SAMD8: variants seen among roughly 807,000 people sequenced by gnomAD.
The protein encoded by SAMD8 is sphingomyelin synthase-related protein 1.
SAMD8 carries 20 observed loss-of-function variants against 42.0 expected under a neutral mutation model. That is an observed-to-expected ratio of 0.48 (90% CI 0.34 to 0.69). SAMD8 has a LOEUF of 0.69. Among genes scored for constraint, SAMD8 ranks in the 30% least tolerant of loss-of-function variants. SAMD8 has a pLI of 0.01. For missense variants in SAMD8, 328 were observed against 511.6 expected, an observed-to-expected ratio of 0.64 and a Z score of 3.46; for synonymous variants, 162 against 173.0, an observed-to-expected ratio of 0.94 and a Z score of 0.50.
At chr10:75,144,160 G>A (rs111414460) in intron 1 of SAMD8, among the ~76,000 whole-genome samples, 2,042 of 150,568 alleles carry the variant, frequency 0.014, 48 homozygotes, top group African/African-American at 0.047. Flanking sequence ...GTGGAGATGG[G>A]GTTTTCACAG....
At chr10:75,168,463 G>A in intron 3 of SAMD8, 78 bp from the exon 4 acceptor site, 1 of 1,577,368 alleles carries the variant, frequency 6.3e-7, no homozygotes, top group Non-Finnish European at 8.6e-7. Context: ...GCTCTTCCTT[G>A]AAGTAAATAT....
intron 2 of SAMD8, among the ~76,000 whole-genome samples, chr10:75,162,369 G>A (rs552338725): frequency 6.6e-6 from 1 of 150,824 alleles, no homozygotes; most frequent in East Asian, 2.0e-4. Context: ...AAAAAAGTGA[G>A]GCTGGGCACG....
intron 1 of SAMD8, among the ~76,000 whole-genome samples, chr10:75,123,162 T>TCACCCCACCC (rs60218062): frequency 8.0e-5 from 8 of 99,684 alleles, no homozygotes; most frequent in South Asian, 8.7e-4. Flanking sequence ...CCACCCCACC[T>TCACCCCACCC]CACCCCACCC....
At chr10:75,171,886 C>T (rs1840876148) in intron 4 of SAMD8, among the ~76,000 whole-genome samples, 1 of 152,020 alleles carries the variant, frequency 6.6e-6, no homozygotes, top group Non-Finnish European at 1.5e-5. Flanking sequence ...ATTAGCTGGG[C>T]ATGGTGGCGG....
rs1278362096 is a variant in SAMD8, at chr10:75,150,677, A to G, written c.149A>G (p.Tyr50Cys). 2 of 1,614,194 alleles carry G rather than the reference A, an allele frequency of 1.2e-6. No individual in the cohort carries two copies. The highest frequency in any genetic ancestry group is 2.2e-5 in the East Asian group (1 of 44,882). ...ATCACATTGCTAACATTGACTGAAT[A>G]TGATCTCCGGTCTCCTCCTCTGGAA... Reference protein sequence around the residue: ...DGITLLTLTEYDLRSPPLEIK... With the variant: ...DGITLLTLTECDLRSPPLEIK... Residue 50 changes from tyrosine (Y) to cysteine (C), a missense_variant, in exon 2 of 6, where the codon TAT (tyrosine) becomes TGT (cysteine). Physicochemically the swap from Tyr to Cys is radical, Grantham distance 194 (BLOSUM62 -2). Around this residue, in one of 2 missense-constraint regions of SAMD8, gnomAD observed 150 missense variants for 186.0 expected, o/e 0.81. Transcript: ENST00000542569.
Position 75,169,169 on chromosome 10 carries a change from CAAA to C in SAMD8, c.792+533_792+535del, listed in dbSNP as rs1023080854. Reference sequence around the variant, plus strand: ...TGGGCAACAGAGCGAGACTCCATCTCAAAAAAAAAAAAAAAAAAAAAAAAGTTT... The same window carrying C: ...TGGGCAACAGAGCGAGACTCCATCTCAAAAAAAAAAAAAAAAAAAAAGTTT... On this transcript the variant is annotated intron_variant, in intron 4 of 5. Transcript: ENST00000542569. Among the ~76,000 whole-genome samples, 198 of 30,216 alleles carry C rather than the reference CAAA, an allele frequency of 6.6e-3. 1 individual carries two copies. Among genetic ancestry groups the C allele is most frequent in the African/African-American group, 0.024 (175 of 7,280 alleles). The allele number at this position is 30,216 out of a possible 152,430, so 19.8% of individuals were successfully genotyped here.
chr10:75,153,226 C>T (rs1406939919), intron 2 of SAMD8, among the ~76,000 whole-genome samples: 3 of 152,042 alleles, frequency 2.0e-5, no homozygotes, highest in Non-Finnish European at 2.9e-5. Flanking sequence ...AAATGATCCG[C>T]CCACCTCAGC....
intron 2 of SAMD8, among the ~76,000 whole-genome samples, chr10:75,152,244 C>T (rs1379494305): frequency 1.3e-5 from 2 of 150,932 alleles, no homozygotes; most frequent in Non-Finnish European, 1.5e-5. Flanking sequence ...AGAATAGGGC[C>T]GGGCGCGGTG....
intron 1 of SAMD8, among the ~76,000 whole-genome samples, chr10:75,146,256 G>GTCCA (rs1840129164): frequency 7.2e-6 from 1 of 137,942 alleles, no homozygotes; most frequent in Non-Finnish European, 1.6e-5. Context: ...TTTTCCTGAT[G>GTCCA]TCCAGTGTCT....
At chr10:75,100,979 G>T (rs997420055) in intron 1 of SAMD8, among the ~76,000 whole-genome samples, 1 of 152,248 alleles carries the variant, frequency 6.6e-6, no homozygotes, top group Non-Finnish European at 1.5e-5. Context: ...TAGTCCCCTG[G>T]ACTTTCTTCC....
intron 2 of SAMD8, among the ~76,000 whole-genome samples, chr10:75,154,206 CT>C (rs760695655): frequency 2.6e-5 from 4 of 152,148 alleles, no homozygotes; most frequent in South Asian, 2.1e-4. Context: ...CAAAATTAAC[CT>C]AATTATAAAA....
chr10:75,147,949 A>G (rs1282824950), intron 1 of SAMD8, among the ~76,000 whole-genome samples: 1 of 152,216 alleles, frequency 6.6e-6, no homozygotes, highest in Non-Finnish European at 1.5e-5. Context: ...TGCTACAGCT[A>G]AAAAGAGTTA....
Position 75,150,951 on chromosome 10 carries a change from T to C in SAMD8, c.423T>C (p.Ser141=), listed in dbSNP as rs1465940124. ...ACATGAATGGTAAAAACAAACATTC[T>C]GTTCGAAGATTGGACCCAGAATACT... is the stretch of plus-strand genomic sequence containing the variant. ...YQYMNGKNKH[S]VRRLDPEYWK... Residue 141 remains serine (S), a synonymous_variant, in exon 2 of 6, where the codon TCT becomes TCC. Coordinates refer to ENST00000542569, the MANE Select transcript of SAMD8 (RefSeq NM_001174156.2). 2 of 1,613,220 alleles carry C rather than the reference T, an allele frequency of 1.2e-6. No individual in the cohort carries two copies. Among genetic ancestry groups the C allele is most frequent in the South Asian group, 1.1e-5 (1 of 90,878 alleles).
At position 75,117,061 on chromosome 10, in the gene SAMD8, T is replaced by A. The variant is rs377589148; in HGVS notation, c.-16+5339T>A. ...CCTCGGCTCAAGGCATCCACCCCCCTTGGCCTCCCAAAGTTGGGTTTACAG... is the reference window on the plus strand; with the variant it reads ...CCTCGGCTCAAGGCATCCACCCCCCATGGCCTCCCAAAGTTGGGTTTACAG... On this transcript the variant is annotated intron_variant, in intron 1 of 5. Transcript: ENST00000542569. Among the ~76,000 whole-genome samples, 9 of 149,656 alleles carry A rather than the reference T, an allele frequency of 6.0e-5. No homozygotes were observed. The East Asian group carries it at 1.1e-3, about 18-fold the overall frequency.
intron 1 of SAMD8, among the ~76,000 whole-genome samples, chr10:75,117,403 A>C (rs1455962810): frequency 6.7e-6 from 1 of 150,200 alleles, no homozygotes; most frequent in African/African-American, 2.5e-5. Flanking sequence ...GCCTGGGTAA[A>C]GAGTGAGGCC....
chr10:75,110,745 T>C (rs1321576737), upstream of SAMD8, among the ~76,000 whole-genome samples: 3 of 152,144 alleles, frequency 2.0e-5, no homozygotes, highest in Non-Finnish European at 4.4e-5. Flanking sequence ...GGTTGGAATA[T>C]CAGTTTGCAA....
intron 4 of SAMD8, among the ~76,000 whole-genome samples, chr10:75,171,236 G>A (rs111972539): frequency 3.8e-3 from 474 of 124,160 alleles, no homozygotes; most frequent in African/African-American, 0.014. Flanking sequence ...GCACAATCTC[G>A]GCTCACTGCA....
intron 1 of SAMD8, among the ~76,000 whole-genome samples, chr10:75,112,283 G>T (rs1848788987): frequency 6.6e-6 from 1 of 152,248 alleles, no homozygotes; most frequent in Non-Finnish European, 1.5e-5. Context: ...GAGGAGGGCT[G>T]TTGGATGGGA....
At chr10:75,109,048 C>T (rs199659528), upstream of SAMD8, 159 of 1,611,424 alleles carry the variant, frequency 9.9e-5, no homozygotes, top group Non-Finnish European at 1.2e-4. Flanking sequence ...TTCGTCCACA[C>T]GGCTGCAAGA....
Sources: gnomAD v4.1 joint callset for allele counts (sites outside exome capture counted in the v4.1 genomes callset) on GRCh38, gnomAD v4.1.1 for gene constraint, gnomAD v4.1.1 regional missense constraint, MANE v1.5 for transcripts, NCBI Gene and HGNC (gene_info 2026-07-23, HGNC 2026-07-21) for gene names.